MGAT4A: variants seen among roughly 807,000 people sequenced by gnomAD.
The protein encoded by MGAT4A is N-acetylglucosaminyltransferase IVa.
A neutral mutation model predicts 74.1 loss-of-function variants in MGAT4A; 33 were observed. The observed-to-expected ratio is 0.45, with a 90% confidence interval of 0.34 to 0.60. The LOEUF (loss-of-function observed/expected upper bound fraction) is 0.60, where lower values mean the gene tolerates loss of function less well. Ranked by LOEUF, MGAT4A falls within the 20% of genes least tolerant of loss-of-function variation. MGAT4A has a pLI of 0.02. For synonymous variants in MGAT4A, 198 were observed against 210.4 expected, an observed-to-expected ratio of 0.94 and a Z score of 0.51; for missense variants, 479 against 628.3, an observed-to-expected ratio of 0.76 and a Z score of 2.54.
intron 10 of MGAT4A, among the ~76,000 whole-genome samples, chr2:98,643,104 CAAAT>C (rs1243428331): frequency 6.6e-6 from 1 of 151,938 alleles, no homozygotes. Context: ...ATGCTTACAT[CAAAT>C]AAATTAAAAG....
At chr2:98,662,140 T>C (rs1382476437) in intron 5 of MGAT4A, among the ~76,000 whole-genome samples, 1 of 152,160 alleles carries the variant, frequency 6.6e-6, no homozygotes, top group Non-Finnish European at 1.5e-5. Context: ...ATAAAGTCTG[T>C]AGTTTGGTTG....
intron 4 of MGAT4A, among the ~76,000 whole-genome samples, chr2:98,673,770 T>C (rs1701942265): frequency 6.6e-6 from 1 of 152,138 alleles, no homozygotes; most frequent in Non-Finnish European, 1.5e-5. Context: ...CTCTTATGAA[T>C]GAAGAAATAG....
At chr2:98,713,726 T>A (rs1702550379) in intron 2 of MGAT4A, among the ~76,000 whole-genome samples, 1 of 152,212 alleles carries the variant, frequency 6.6e-6, no homozygotes, top group Non-Finnish European at 1.5e-5. Flanking sequence ...GAGACACATC[T>A]CTCAGCATAC....
Position 98,622,675 on chromosome 2 carries a change from CAG to C in MGAT4A, c.*2889_*2890del. On this transcript the variant is annotated 3_prime_UTR_variant, in exon 16 of 16. Coordinates refer to ENST00000393487, the MANE Select transcript of MGAT4A (RefSeq NM_012214.3). ...TGGGCAGAAAGGAGGGAGTAACTAA[CAG>C]TGAGAGGCCCTGAGCACCCACCATA... The C allele has an allele frequency of 2.0e-6, 2 of 985,582 alleles. No homozygotes were observed. The highest frequency in any genetic ancestry group is 2.4e-6 in the Non-Finnish European group (2 of 830,082). 61.1% of individuals were successfully genotyped at this position (985,582 alleles called of 1,614,324 possible).
intron 2 of MGAT4A, among the ~76,000 whole-genome samples, chr2:98,698,592 C>T (rs1702307710): frequency 6.6e-6 from 1 of 152,148 alleles, no homozygotes; most frequent in African/African-American, 2.4e-5. Flanking sequence ...TTTTCCCCTT[C>T]ATTATCCTCT....
chr2:98,631,962 G>T (rs1701243871), intron 14 of MGAT4A, among the ~76,000 whole-genome samples: 1 of 151,944 alleles, frequency 6.6e-6, no homozygotes, highest in African/African-American at 2.4e-5. Flanking sequence ...ATAGAAAAAT[G>T]AGCCAGGCCT....
chr2:98,690,769 A>T (rs1485863995), intron 2 of MGAT4A, among the ~76,000 whole-genome samples: 1 of 152,250 alleles, frequency 6.6e-6, no homozygotes, highest in Non-Finnish European at 1.5e-5. Context: ...ACAAATTTTT[A>T]AAACTGAAAC....
chr2:98,623,121 C>A lies in MGAT4A; in HGVS notation c.*2445G>T. ...CCACCTGCCACGTGCCTGGCACACA[C>A]CCTAGGCACGGGTAGATTCATGGGG... On this transcript the variant is annotated 3_prime_UTR_variant, in exon 16 of 16. Coordinates refer to ENST00000393487, the MANE Select transcript of MGAT4A (RefSeq NM_012214.3). The A allele has an allele frequency of 1.0e-6, 1 of 985,444 alleles. No homozygotes were observed. The allele number at this position is 985,444 out of a possible 1,614,324, so 61.0% of individuals were successfully genotyped here. A position where few individuals can be genotyped will look rare whatever the true frequency, so the allele number is the denominator to read the frequency against.
chr2:98,656,193 C>T, intron 7 of MGAT4A, 159 bp downstream of exon 7: 1 of 570,390 alleles, frequency 1.8e-6, no homozygotes, highest in Non-Finnish European at 3.1e-6. Context: ...TCTAAGAAAA[C>T]TCTACATTAT....
intron 8 of MGAT4A, among the ~76,000 whole-genome samples, chr2:98,651,264 C>T (rs1399669402): frequency 6.6e-6 from 1 of 152,082 alleles, no homozygotes; most frequent in Non-Finnish European, 1.5e-5. Flanking sequence ...TAAATATAGA[C>T]GTAGTAAGGT....
intron 8 of MGAT4A, among the ~76,000 whole-genome samples, chr2:98,646,971 T>C (rs1486551883): frequency 6.6e-6 from 1 of 152,226 alleles, no homozygotes; most frequent in Non-Finnish European, 1.5e-5. Context: ...CTTTAAAAAT[T>C]AGTAAGAGCA....
intron 2 of MGAT4A, among the ~76,000 whole-genome samples, chr2:98,684,766 T>C (rs1000384810): frequency 2.0e-5 from 3 of 152,314 alleles, no homozygotes; most frequent in African/African-American, 7.2e-5. Context: ...TTTTAAACAA[T>C]AGTAACTTCT....
intron 2 of MGAT4A, among the ~76,000 whole-genome samples, chr2:98,716,969 A>G (rs776006125): frequency 2.6e-5 from 4 of 152,154 alleles, no homozygotes; most frequent in African/African-American, 7.2e-5. Context: ...CACATTTTCC[A>G]TCTGTGGTTG....
At chr2:98,721,819 A>G (rs757578980) in intron 2 of MGAT4A, among the ~76,000 whole-genome samples, 37 of 152,190 alleles carry the variant, frequency 2.4e-4, no homozygotes, top group Non-Finnish European at 5.0e-4. Context: ...AAAAAGCAAT[A>G]AGGGAGGAAC....
intron 2 of MGAT4A, 75 bp downstream of exon 2, chr2:98,726,164 C>G: frequency 9.3e-7 from 1 of 1,074,306 alleles, no homozygotes; most frequent in Non-Finnish European, 1.4e-6. Flanking sequence ...GGTATTTGAC[C>G]TAAGCATTTA....
Position 98,623,307 on chromosome 2 carries a change from G to C in MGAT4A, c.*2259C>G, listed in dbSNP as rs1701089750. Reference sequence around the variant, plus strand: ...AGCCAGGCAGGCTGTCTTTAAAGAAGTTGTAACAAATCACACCAGGTGCTG... The same window carrying C: ...AGCCAGGCAGGCTGTCTTTAAAGAACTTGTAACAAATCACACCAGGTGCTG... On this transcript the variant is annotated 3_prime_UTR_variant, in exon 16 of 16. Coordinates refer to ENST00000393487, the MANE Select transcript of MGAT4A (RefSeq NM_012214.3). 2 of 985,328 alleles carry C rather than the reference G, an allele frequency of 2.0e-6. No homozygotes were observed. Among genetic ancestry groups the C allele is most frequent in the African/African-American group, 3.5e-5 (2 of 57,242 alleles). The allele number at this position is 985,328 out of a possible 1,614,324, so 61.0% of individuals were successfully genotyped here. A position where few individuals can be genotyped will look rare whatever the true frequency, so the allele number is the denominator to read the frequency against.
In MGAT4A at chr2:98,621,600, C is replaced by A; in HGVS notation, c.*3966G>T. 5 of 1,522,454 alleles carry A rather than the reference C, an allele frequency of 3.3e-6. No homozygotes were observed. Among genetic ancestry groups the A allele is most frequent in the African/African-American group, 1.4e-5 (1 of 72,242 alleles). 94.3% of individuals were successfully genotyped at this position (1,522,454 alleles called of 1,614,324 possible). ...TAATCATGGATCAAACAGGTTCCAC[C>A]CATGCTCAAAGTGGGAGGATATTAT... On this transcript the variant is annotated 3_prime_UTR_variant, in exon 16 of 16. Coordinates refer to ENST00000393487, the MANE Select transcript of MGAT4A (RefSeq NM_012214.3).
At chr2:98,687,305 A>G (rs567538008) in intron 2 of MGAT4A, among the ~76,000 whole-genome samples, 26 of 152,324 alleles carry the variant, frequency 1.7e-4, no homozygotes, top group African/African-American at 6.3e-4. Context: ...CTATGTAGAT[A>G]GTTGTAACTG....
chr2:98,633,574 A>G (rs567275229), intron 14 of MGAT4A, among the ~76,000 whole-genome samples: 58 of 152,336 alleles, frequency 3.8e-4, no homozygotes, highest in African/African-American at 1.3e-3. Context: ...TTCTTAAGGA[A>G]GCAGAATGTT....
Sources: gnomAD v4.1 joint callset for allele counts (sites outside exome capture counted in the v4.1 genomes callset) on GRCh38, gnomAD v4.1.1 for gene constraint, MANE v1.5 for transcripts, NCBI Gene and HGNC (gene_info 2026-07-23, HGNC 2026-07-21) for gene names.